The following HTR7 variants were observed in gnomAD, a reference collection of about 807,000 sequenced individuals.
The protein encoded by HTR7 is 5-HT-7.
In HTR7, 16 loss-of-function variants were observed where a neutral mutation model predicts 34.0. That is an observed-to-expected ratio of 0.47 (90% CI 0.32 to 0.71). The LOEUF is 0.71. Ranked by LOEUF, HTR7 falls within the 30% of genes least tolerant of loss-of-function variation. HTR7 has a pLI of 0.04. For synonymous variants in HTR7, 265 were observed against 260.2 expected, an observed-to-expected ratio of 1.02 and a Z score of -0.18; for missense variants, 504 against 625.5, an observed-to-expected ratio of 0.81 and a Z score of 2.07.
intron 1 of HTR7, among the ~76,000 whole-genome samples, chr10:90,831,570 A>G (rs1351832909): frequency 6.6e-6 from 1 of 152,210 alleles, no homozygotes; most frequent in Non-Finnish European, 1.5e-5. Context: ...AAGGGACCCC[A>G]GCGGGTTGCC....
At chr10:90,848,069 CTTTTTTTTTT>C (rs61675028) in intron 1 of HTR7, among the ~76,000 whole-genome samples, 2 of 112,098 alleles carry the variant, frequency 1.8e-5, no homozygotes, top group African/African-American at 7.6e-5. Flanking sequence ...TCTCTTTGTT[CTTTTTTTTTT>C]TTTTTTTTTG....
At position 90,741,622 on chromosome 10, in the gene HTR7, TAC is replaced by T. The variant is rs1844546250; in HGVS notation, c.*858_*859del. ...ATTCCCACACTTCTTCCACATAACA[TAC>T]AGTTATGGGCCAGCCCATGGGTGGG... On this transcript the variant is annotated 3_prime_UTR_variant, in exon 4 of 4. Coordinates refer to ENST00000336152, the MANE Select transcript of HTR7 (RefSeq NM_019859.4). The T allele has an allele frequency of 6.6e-6, 1 of 152,420 alleles. No individual in the cohort carries two copies. Among genetic ancestry groups the T allele is most frequent in the Admixed American group, 6.6e-5 (1 of 15,264 alleles). 9.4% of individuals were successfully genotyped at this position (152,420 alleles called of 1,614,324 possible).
intron 1 of HTR7, among the ~76,000 whole-genome samples, chr10:90,758,832 T>C (rs1844882493): frequency 6.6e-6 from 1 of 152,066 alleles, no homozygotes; most frequent in Non-Finnish European, 1.5e-5. Flanking sequence ...AGGCTGATTC[T>C]CAACAGCAGA....
At chr10:90,776,494 G>T (rs1282469398) in intron 1 of HTR7, among the ~76,000 whole-genome samples, 3 of 152,124 alleles carry the variant, frequency 2.0e-5, no homozygotes, top group Admixed American at 6.5e-5. Context: ...ATAAACCTTA[G>T]ACAAGATGCG....
At chr10:90,769,620 T>C (rs1845076101) in intron 1 of HTR7, among the ~76,000 whole-genome samples, 1 of 152,198 alleles carries the variant, frequency 6.6e-6, no homozygotes. Flanking sequence ...GTTTAAATAA[T>C]AAGCTTTAGA....
At chr10:90,811,614 A>G (rs1278034075) in intron 1 of HTR7, among the ~76,000 whole-genome samples, 1 of 152,082 alleles carries the variant, frequency 6.6e-6, no homozygotes, top group Non-Finnish European at 1.5e-5. Flanking sequence ...TCTATCCTCG[A>G]GGAAATAACT....
intron 1 of HTR7, among the ~76,000 whole-genome samples, chr10:90,761,109 T>C (rs1033148262): frequency 1.3e-5 from 2 of 152,170 alleles, no homozygotes; most frequent in African/African-American, 2.4e-5. Flanking sequence ...TACCTGTCAT[T>C]GAATCAACTA....
At chr10:90,751,309 GA>G (rs1189449916) in intron 1 of HTR7, among the ~76,000 whole-genome samples, 2 of 152,122 alleles carry the variant, frequency 1.3e-5, no homozygotes, top group African/African-American at 4.8e-5. Flanking sequence ...AAGGAGTAAG[GA>G]AGAGGGAAAA....
At chr10:90,747,267 T>G (rs1844654497) in intron 2 of HTR7, among the ~76,000 whole-genome samples, 1 of 152,224 alleles carries the variant, frequency 6.6e-6, no homozygotes, top group African/African-American at 2.4e-5. Flanking sequence ...AGCACTGTAC[T>G]AGATTCTGCA....
Position 90,742,355 on chromosome 10 carries a change from G to C in HTR7, c.*127C>G. On this transcript the variant is annotated 3_prime_UTR_variant, in exon 4 of 4. Coordinates refer to ENST00000336152, the MANE Select transcript of HTR7 (RefSeq NM_019859.4). Reference sequence around the variant, plus strand: ...GATAGTGTGTACAACAGATCACCCTGTTTGTCATGTTTTAGACATCCCAAG... The same window carrying C: ...GATAGTGTGTACAACAGATCACCCTCTTTGTCATGTTTTAGACATCCCAAG... The C allele has an allele frequency of 1.5e-6, 1 of 686,922 alleles. No individual in the cohort carries two copies. Among genetic ancestry groups the C allele is most frequent in the Admixed American group, 2.5e-5 (1 of 40,368 alleles). 42.6% of individuals were successfully genotyped at this position (686,922 alleles called of 1,614,324 possible). A position where few individuals can be genotyped will look rare whatever the true frequency, so the allele number is the denominator to read the frequency against.
At chr10:90,788,575 C>T (rs1465125745) in intron 1 of HTR7, among the ~76,000 whole-genome samples, 2 of 152,186 alleles carry the variant, frequency 1.3e-5, no homozygotes, top group African/African-American at 4.8e-5. Flanking sequence ...GAACTCAACT[C>T]TCTTTGCACA....
chr10:90,807,544 C>T (rs567068563), intron 1 of HTR7, among the ~76,000 whole-genome samples: 8 of 152,200 alleles, frequency 5.3e-5, no homozygotes, highest in African/African-American at 1.7e-4. Flanking sequence ...GCAACCCCTA[C>T]GCCTGCTCGC....
At chr10:90,799,606 AC>A (rs1226996185) in intron 1 of HTR7, among the ~76,000 whole-genome samples, 1 of 152,112 alleles carries the variant, frequency 6.6e-6, no homozygotes, top group Non-Finnish European at 1.5e-5. Context: ...AAATTGCTTG[AC>A]AAAGATTTAA....
At chr10:90,815,292 G>A (rs759339444) in intron 1 of HTR7, among the ~76,000 whole-genome samples, 18 of 152,038 alleles carry the variant, frequency 1.2e-4, no homozygotes, top group Middle Eastern at 3.4e-3. Context: ...GGGTTTCACC[G>A]TGTTGGCCAG....
chr10:90,758,227 C>A (rs1303770354), intron 1 of HTR7, among the ~76,000 whole-genome samples: 1 of 151,428 alleles, frequency 6.6e-6, no homozygotes, highest in Non-Finnish European at 1.5e-5. Context: ...GGCCTGTAGT[C>A]CCAGCTACTC....
At chr10:90,838,376 G>T (rs1383758687) in intron 1 of HTR7, among the ~76,000 whole-genome samples, 1 of 151,988 alleles carries the variant, frequency 6.6e-6, no homozygotes, top group African/African-American at 2.4e-5. Context: ...GACAGATCCG[G>T]AATTTCTCCA....
intron 1 of HTR7, among the ~76,000 whole-genome samples, chr10:90,795,932 C>T (rs1845532213): frequency 6.6e-6 from 1 of 152,218 alleles, no homozygotes; most frequent in Non-Finnish European, 1.5e-5. Flanking sequence ...TAGAAAGGAA[C>T]GTCTGGGTTA....
In HTR7 at chr10:90,857,572, C is replaced by T. The variant is rs758993362; in HGVS notation, c.100G>A (p.Asp34Asn). 2 of 1,595,430 alleles carry T rather than the reference C, an allele frequency of 1.3e-6. No individual in the cohort carries two copies. The highest frequency in any genetic ancestry group is 3.5e-5 in the Admixed American group (2 of 57,286). The change falls in exon 1 of 4, where the codon GAC (aspartate) becomes AAC (asparagine). Residue 34 changes from aspartate (D) to asparagine (N), a missense_variant. By Grantham distance (23) the Asp-to-Asn change is conservative (BLOSUM62 1). Around this residue, in one of 4 missense-constraint regions of HTR7, gnomAD observed 139 missense variants for 117.1 expected, o/e 1.19. Transcript: ENST00000336152. This position sits in a 1 kb window ranked among gnomAD's most constrained non-coding sequence, Gnocchi z 6.5. ...VGRGLPDLSP[D>N]GGADPVAGSW... The stretch of plus-strand genomic sequence containing the variant: ...CCCGCGACCGGGTCGGCGCCACCGT[C>T]GGGGCTCAAGTCGGGCAGCCCGCGC...
intron 1 of HTR7, among the ~76,000 whole-genome samples, chr10:90,799,830 C>G (rs1845597895): frequency 6.6e-6 from 1 of 151,998 alleles, no homozygotes; most frequent in Admixed American, 6.6e-5. Context: ...TGGTGCTTTG[C>G]CCCACCACAC....
Sources: gnomAD v4.1 joint callset for allele counts (sites outside exome capture counted in the v4.1 genomes callset) on GRCh38, gnomAD v4.1.1 for gene constraint, gnomAD v4.1.1 regional missense constraint, Gnocchi (gnomAD v3.1) non-coding constraint, MANE v1.5 for transcripts, NCBI Gene and HGNC (gene_info 2026-07-23, HGNC 2026-07-21) for gene names.